The following ARHGEF38 variants were observed in gnomAD, a reference collection of about 807,000 sequenced individuals.
The protein encoded by ARHGEF38 is Rho guanine nucleotide exchange factor (GEF) 38.
Under a neutral mutation model 79.9 loss-of-function variants are expected in ARHGEF38, and 79 were observed. The observed-to-expected ratio is 0.99, with a 90% CI of 0.82 to 1.19. The LOEUF (loss-of-function observed/expected upper bound fraction) is 1.19. Ranked by LOEUF, ARHGEF38 falls within the 50% of genes most tolerant of loss-of-function variation. ARHGEF38 has a pLI of 0.00. For synonymous variants in ARHGEF38, 366 were observed against 328.3 expected (o/e 1.11, Z -1.24); for missense variants, 962 against 907.2 (o/e 1.06, Z -0.78).
intron 3 of ARHGEF38, among the ~76,000 whole-genome samples, chr4:105,619,032 A>G (rs1176198161): frequency 1.3e-5 from 2 of 152,238 alleles, no homozygotes; most frequent in African/African-American, 2.4e-5. Context: ...AGAAAACTCA[A>G]TTGAAGATGT....
chr4:105,563,694 T>C (rs193054018), intron 1 of ARHGEF38, among the ~76,000 whole-genome samples: 1 of 152,256 alleles, frequency 6.6e-6, no homozygotes, highest in African/African-American at 2.4e-5. Flanking sequence ...ACCTGTTTTA[T>C]GGTTTGCTCT....
intron 10 of ARHGEF38, among the ~76,000 whole-genome samples, chr4:105,662,965 A>G (rs1000654247): frequency 1.3e-5 from 2 of 152,156 alleles, no homozygotes; most frequent in Non-Finnish European, 2.9e-5. Context: ...TTAAAGTAAA[A>G]GGCATTTTGG....
At chr4:105,650,457 C>T (rs1253427113) in intron 7 of ARHGEF38, among the ~76,000 whole-genome samples, 1 of 152,200 alleles carries the variant, frequency 6.6e-6, no homozygotes, top group Non-Finnish European at 1.5e-5. Flanking sequence ...GAGATTACCC[C>T]TATATCCCAA....
intron 7 of ARHGEF38, among the ~76,000 whole-genome samples, chr4:105,651,722 A>G (rs1245140736): frequency 1.3e-5 from 2 of 152,066 alleles, no homozygotes; most frequent in Admixed American, 6.6e-5. Context: ...TGCCATTATC[A>G]TAGCTCGCTG....
intron 10 of ARHGEF38, among the ~76,000 whole-genome samples, chr4:105,661,588 A>T (rs906045315): frequency 1.3e-4 from 20 of 151,316 alleles, no homozygotes; most frequent in African/African-American, 4.4e-4. Context: ...CCTGATCAGC[A>T]CTGTTTTAAA....
At chr4:105,647,650 G>C (rs760114285) in intron 6 of ARHGEF38, among the ~76,000 whole-genome samples, 8 of 151,762 alleles carry the variant, frequency 5.3e-5, no homozygotes, top group Admixed American at 2.0e-4. Flanking sequence ...AAAATGTGTT[G>C]GTTTAATTCT....
intron 1 of ARHGEF38, among the ~76,000 whole-genome samples, chr4:105,562,015 C>T (rs1725656217): frequency 6.6e-6 from 1 of 151,638 alleles, no homozygotes; most frequent in Non-Finnish European, 1.5e-5. Flanking sequence ...TCTGTGTCAA[C>T]TCCCTGTCTC....
At chr4:105,575,713 A>C (rs1400160912) in intron 1 of ARHGEF38, among the ~76,000 whole-genome samples, 2 of 152,102 alleles carry the variant, frequency 1.3e-5, no homozygotes, top group African/African-American at 4.8e-5. Context: ...TTTAGTCATA[A>C]ATACTTTGCC....
At chr4:105,604,700 T>TA (rs550349756) in intron 2 of ARHGEF38, among the ~76,000 whole-genome samples, 3 of 152,092 alleles carry the variant, frequency 2.0e-5, no homozygotes, top group Non-Finnish European at 4.4e-5. Flanking sequence ...AGTATTGCTA[T>TA]AAGCTCTCAG....
intron 5 of ARHGEF38, among the ~76,000 whole-genome samples, chr4:105,644,961 T>C (rs1018328222): frequency 7.2e-5 from 11 of 152,184 alleles, no homozygotes; most frequent in African/African-American, 2.7e-4. Context: ...TTTGAGACAA[T>C]TTGATGGAAA....
chr4:105,613,084 T>C (rs891908586), intron 2 of ARHGEF38, among the ~76,000 whole-genome samples: 1 of 152,162 alleles, frequency 6.6e-6, no homozygotes, highest in African/African-American at 2.4e-5. Flanking sequence ...CATATCCTCA[T>C]AGAGGGCAGT....
rs553337279 is a variant in ARHGEF38, at chr4:105,678,541, A to G, written c.*604A>G. ...TTTATATGTTTTGAACTAAAACTGA[A>G]TAACTTGATATTAACATGTAACATT... On this transcript the variant is annotated 3_prime_UTR_variant, in exon 14 of 14. Transcript: ENST00000420470. 2.6e-5 allele frequency: 4 copies of G among 152,324 alleles called. No homozygotes were observed. The highest frequency in any genetic ancestry group is 9.6e-5 in the African/African-American group (4 of 41,582). 9.4% of individuals were successfully genotyped at this position (152,324 alleles called of 1,614,324 possible). A position where few individuals can be genotyped will look rare whatever the true frequency, so the allele number is the denominator to read the frequency against.
chr4:105,562,424 C>A (rs1725680037), intron 1 of ARHGEF38, among the ~76,000 whole-genome samples: 1 of 152,164 alleles, frequency 6.6e-6, no homozygotes, highest in African/African-American at 2.4e-5. Context: ...ATCCTTATGA[C>A]ATACTTGCTT....
intron 1 of ARHGEF38, among the ~76,000 whole-genome samples, chr4:105,584,399 G>A (rs1014508872): frequency 6.6e-6 from 1 of 152,148 alleles, no homozygotes; most frequent in Non-Finnish European, 1.5e-5. Flanking sequence ...ATAATGCCAG[G>A]CACTGTTACA....
At chr4:105,598,812 A>G (rs1036568861) in intron 2 of ARHGEF38, among the ~76,000 whole-genome samples, 3 of 152,158 alleles carry the variant, frequency 2.0e-5, no homozygotes, top group African/African-American at 4.8e-5. Context: ...AAACTCAATA[A>G]AATTTTTCTT....
chr4:105,588,785 T>C (rs1727175674), intron 1 of ARHGEF38, among the ~76,000 whole-genome samples: 2 of 152,246 alleles, frequency 1.3e-5, no homozygotes, highest in Non-Finnish European at 2.9e-5. Flanking sequence ...TTCCATTTCA[T>C]TGAGATTTGG....
intron 5 of ARHGEF38, among the ~76,000 whole-genome samples, chr4:105,639,118 G>A (rs1372732895): frequency 6.6e-6 from 1 of 151,462 alleles, no homozygotes; most frequent in Non-Finnish European, 1.5e-5. Context: ...GTAATGTATA[G>A]GCCCAAATAG....
intron 1 of ARHGEF38, among the ~76,000 whole-genome samples, chr4:105,558,919 C>A (rs192128380): frequency 6.7e-6 from 1 of 150,180 alleles, no homozygotes; most frequent in African/African-American, 2.4e-5. Flanking sequence ...AGGGGAGAGA[C>A]AGACAGAAAC....
At chr4:105,659,000 A>C in intron 9 of ARHGEF38, 54 bp from the exon 10 acceptor site, 1 of 1,435,286 alleles carries the variant, frequency 7.0e-7, no homozygotes, top group Non-Finnish European at 9.2e-7. Context: ...GCAGAACTGG[A>C]CAAGGTATGG....
Sources: allele counts gnomAD v4.1 joint callset (sites outside exome capture counted in the v4.1 genomes callset), GRCh38; gene constraint gnomAD v4.1.1; transcripts MANE v1.5; gene names NCBI Gene and HGNC (gene_info 2026-07-23, HGNC 2026-07-21).